Variants in NEURL2 observed in about 807,000 individuals in gnomAD.
NEURL2 encodes neuralized E3 ubiquitin protein ligase 2.
A neutral mutation model predicts 15.9 loss-of-function variants in NEURL2; 16 were observed. That is an observed-to-expected ratio of 1.01 (90% confidence interval 0.68 to 1.53). The LOEUF (loss-of-function observed/expected upper bound fraction) is 1.53, where lower values mean the gene tolerates loss of function less well. NEURL2 is among the 40% of genes most tolerant of loss of function. NEURL2 has a pLI of 0.00. For missense variants in NEURL2, 393 were observed against 407.8 expected (o/e 0.96, Z 0.31); for synonymous variants, 188 against 178.3 (o/e 1.05, Z -0.43).
rs146400005 is a variant in NEURL2 at position 45,888,789 on chromosome 20, T to C, written c.827A>G (p.Lys276Arg). The C allele has an allele frequency of 6.2e-7, 1 of 1,614,164 alleles. No homozygotes were observed. The highest frequency in any genetic ancestry group is 8.5e-7 in the Non-Finnish European group (1 of 1,180,028). ...RLAIDGLHLP[K>R]ELKDFCKYE ...ATACTTGCAGAAATCCTTAAGTTCT[T>C]TGGGCAGGTGGAGCCCATCAATGGC... The change falls in exon 2 of 2, where the codon AAA becomes AGA. Residue 276 changes from lysine to arginine, a missense_variant. By Grantham distance (26) the Lys-to-Arg change is conservative. Coordinates refer to ENST00000372518, the MANE Select transcript of NEURL2 (RefSeq NM_080749.4).
intron 1 of NEURL2, 161 bp from the exon 2 acceptor site, chr20:45,889,034 C>T (rs1986602066): frequency 1.4e-6 from 1 of 725,226 alleles, no homozygotes; most frequent in Non-Finnish European, 2.2e-6. Flanking sequence ...AGAAGCACCT[C>T]TTCCTGAGAG....
chr20:45,889,608 C>CCT (rs199785991), intron 1 of NEURL2, among the ~76,000 whole-genome samples: 8,469 of 117,988 alleles, frequency 0.072, 287 homozygotes, highest in South Asian at 0.15. Flanking sequence ...TCTCTCTCTT[C>CCT]CTCTCTCTCT....
In NEURL2 at chr20:45,890,853, C is replaced by T; in HGVS notation, c.139G>A (p.Glu47Lys). 1.3e-6 allele frequency: 2 copies of T among 1,570,284 alleles called. No individual in the cohort carries two copies. Among genetic ancestry groups the T allele is most frequent in the South Asian group, 1.2e-5 (1 of 86,190 alleles). ...AAGCACACGCCGTGGGCGAAGCTCT[C>T]CACGCGTGTGGCCCGCGTCCCAGAG... is the stretch of plus-strand genomic sequence containing the variant. ...DPSGTRATRV[E>K]SFAHGVCFSR... is the part of the protein sequence containing the mutation. Residue 47 changes from glutamate to lysine, a missense_variant, in exon 1 of 2, where the codon GAG becomes AAG. Transcript: ENST00000372518.
chr20:45,890,623 G>C lies in NEURL2; in HGVS notation c.369C>G (p.Pro123=). The change falls in exon 1 of 2, where the codon CCC becomes CCG. Residue 123 remains proline (P), a synonymous_variant. Coordinates refer to ENST00000372518, the MANE Select transcript of NEURL2 (RefSeq NM_080749.4). ...FAITRHHNRV[P]REGRPEAEAA... ...CCTCCGCCTCCGGGCGGCCCTCCCG[G>C]GGCACGCGGTTGTGGTGGCGCGTGA... is the stretch of plus-strand genomic sequence containing the variant. 1.2e-6 allele frequency: 2 copies of C among 1,613,044 alleles called. No homozygotes were observed. The highest frequency in any genetic ancestry group is 1.7e-6 in the Non-Finnish European group (2 of 1,179,648).
rs776524216 is a variant in NEURL2 at position 45,891,021 on chromosome 20, C to T, written c.-30G>A. On this transcript the variant is annotated 5_prime_UTR_variant, in exon 1 of 2. Transcript: ENST00000372518. This position sits in a 1 kb window ranked among gnomAD's most constrained non-coding sequence, Gnocchi z 4.6. The stretch of plus-strand genomic sequence containing the variant: ...CGGCCATAGGGCAGGCCAGCTGGCG[C>T]CGGGGGCTATTTTGGGCGGCGGGCA... 2 of 1,458,964 alleles carry T rather than the reference C, an allele frequency of 1.4e-6. No homozygotes were observed. Among genetic ancestry groups the T allele is most frequent in the Admixed American group, 2.8e-5 (1 of 36,154 alleles). 90.4% of individuals were successfully genotyped at this position (1,458,964 alleles called of 1,614,324 possible).
chr20:45,890,881 G>A lies in NEURL2; in HGVS notation c.111C>T (p.Asp37=). The A allele has an allele frequency of 1.3e-6, 2 of 1,569,320 alleles. No individual in the cohort carries two copies. The highest frequency in any genetic ancestry group is 1.7e-6 in the Non-Finnish European group (2 of 1,156,438). The part of the protein sequence containing the change: ...HRVHGANIRV[D]PSGTRATRVE... ...CGCGTGTGGCCCGCGTCCCAGAGGG[G>A]TCCACGCGGATGTTGGCACCGTGCA... The change falls in exon 1 of 2, where the codon GAC becomes GAT. Residue 37 remains aspartate (D), a synonymous_variant. Transcript: ENST00000372518.
Position 45,888,674 on chromosome 20 carries a change from G to T in NEURL2, c.*84C>A. 1 of 1,330,656 alleles carries T rather than the reference G, an allele frequency of 7.5e-7. No homozygotes were observed. The highest frequency in any genetic ancestry group is 1.1e-6 in the Non-Finnish European group (1 of 941,552). The allele number at this position is 1,330,656 out of a possible 1,614,324, so 82.4% of individuals were successfully genotyped here. On this transcript the variant is annotated 3_prime_UTR_variant, in exon 2 of 2. Coordinates refer to ENST00000372518, the MANE Select transcript of NEURL2 (RefSeq NM_080749.4). ...CGGCTGTTTATTTCTGGTCTTGGCTGGCAGCAATGTGGCCAACTTCGGACC... is the reference window on the plus strand; with the variant it reads ...CGGCTGTTTATTTCTGGTCTTGGCTTGCAGCAATGTGGCCAACTTCGGACC...
At position 45,888,683 on chromosome 20, in the gene NEURL2, G is replaced by T; in HGVS notation, c.*75C>A. The stretch of plus-strand genomic sequence containing the variant: ...ATTTCTGGTCTTGGCTGGCAGCAAT[G>T]TGGCCAACTTCGGACCAGCCAGCCA... On this transcript the variant is annotated 3_prime_UTR_variant, in exon 2 of 2. Coordinates refer to ENST00000372518, the MANE Select transcript of NEURL2 (RefSeq NM_080749.4). 6.9e-7 allele frequency: 1 copy of T among 1,456,390 alleles called. No individual in the cohort carries two copies. Among genetic ancestry groups the T allele is most frequent in the Non-Finnish European group, 9.5e-7 (1 of 1,050,494 alleles). The allele number at this position is 1,456,390 out of a possible 1,614,324, so 90.2% of individuals were successfully genotyped here.
chr20:45,891,119 G>T lies in NEURL2; in HGVS notation c.-128C>A, dbSNP rs1601136636. The T allele has an allele frequency of 9.0e-7, 1 of 1,105,212 alleles. No individual in the cohort carries two copies. The highest frequency in any genetic ancestry group is 1.6e-5 in the South Asian group (1 of 62,888). 68.5% of individuals were successfully genotyped at this position (1,105,212 alleles called of 1,614,324 possible). ...CCCTTCCCCGAGCCTCTGCCCGGGG[G>T]TCCTAGCGCCGCTTTCTCAGCCATC... On this transcript the variant is annotated 5_prime_UTR_variant, in exon 1 of 2. Transcript: ENST00000372518. This position sits in a 1 kb window ranked among gnomAD's most constrained non-coding sequence, Gnocchi z 4.6.
In NEURL2 at chr20:45,888,731, A is replaced by C. The variant is rs1299787351; in HGVS notation, c.*27T>G. 6.2e-7 allele frequency: 1 copy of C among 1,612,416 alleles called. No individual in the cohort carries two copies. Among genetic ancestry groups the C allele is most frequent in the African/African-American group, 1.3e-5 (1 of 74,908 alleles). ...CCACAGGTCTGGGGCTCCAGGATGC[A>C]GCTGTGCTCTGGTGCACTGTGGGTC... On this transcript the variant is annotated 3_prime_UTR_variant, in exon 2 of 2. Transcript: ENST00000372518.
intron 1 of NEURL2, 157 bp downstream of exon 1, chr20:45,890,093 T>C: frequency 1.3e-6 from 1 of 751,574 alleles, no homozygotes; most frequent in Non-Finnish European, 2.2e-6. Context: ...TGTAGAGGCT[T>C]GTGCAAGATC....
Position 45,891,083 on chromosome 20 carries a change from C to G in NEURL2, c.-92G>C. ...CGCAAGGCGACCTTGTAAGGCATTT[C>G]CCCCCTGACTCCCTTCCCCGAGCCT... On this transcript the variant is annotated 5_prime_UTR_variant, in exon 1 of 2. Coordinates refer to ENST00000372518, the MANE Select transcript of NEURL2 (RefSeq NM_080749.4). The surrounding 1 kb of genome is among the most constrained non-coding windows in gnomAD (Gnocchi z 4.6). 7.7e-7 allele frequency: 1 copy of G among 1,292,784 alleles called. No homozygotes were observed. Among genetic ancestry groups the G allele is most frequent in the East Asian group, 2.6e-5 (1 of 39,192 alleles). 80.1% of individuals were successfully genotyped at this position (1,292,784 alleles called of 1,614,324 possible).
In NEURL2 at chr20:45,890,242, A is replaced by G. The variant is rs1160453903; in HGVS notation, c.742+8T>C. ...AGCCAGGAGGGGTCGCTGCCCAGGG[A>G]TACCTACAGCCATACTCGAGCTGGA... On this transcript the variant is annotated splice_region_variant and intron_variant, in intron 1 of 1. Coordinates refer to ENST00000372518, the MANE Select transcript of NEURL2 (RefSeq NM_080749.4). 5.6e-6 allele frequency: 9 copies of G among 1,613,718 alleles called. No individual in the cohort carries two copies. The African/African-American group carries it at 9.3e-5, about 17-fold the overall frequency.
chr20:45,889,591 C>T (rs1227416227), intron 1 of NEURL2, among the ~76,000 whole-genome samples: 1 of 146,904 alleles, frequency 6.8e-6, no homozygotes, highest in African/African-American at 2.5e-5. Flanking sequence ...TGCTTGCTTG[C>T]TTGCTTTCTC....
intron 1 of NEURL2, among the ~76,000 whole-genome samples, chr20:45,889,587 C>T (rs1032830260): frequency 1.3e-5 from 2 of 148,622 alleles, no homozygotes; most frequent in Non-Finnish European, 3.0e-5. Context: ...AGCTTGCTTG[C>T]TTGCTTGCTT....
rs536781269 is a variant in NEURL2 at position 45,891,019 on chromosome 20, C to T, written c.-28G>A. 1.7e-5 allele frequency: 25 copies of T among 1,459,614 alleles called. No homozygotes were observed. In the South Asian group the frequency reaches 3.4e-4, roughly 20 times the overall value. 90.4% of individuals were successfully genotyped at this position (1,459,614 alleles called of 1,614,324 possible). ...CTCGGCCATAGGGCAGGCCAGCTGGCGCCGGGGGCTATTTTGGGCGGCGGG... is the reference window on the plus strand; with the variant it reads ...CTCGGCCATAGGGCAGGCCAGCTGGTGCCGGGGGCTATTTTGGGCGGCGGG... On this transcript the variant is annotated 5_prime_UTR_variant, in exon 1 of 2. Transcript: ENST00000372518. The surrounding 1 kb of genome is among the most constrained non-coding windows in gnomAD (Gnocchi z 4.6).
At chr20:45,888,914 G>A (rs1185634274) in intron 1 of NEURL2, 41 bp from the exon 2 acceptor site, 5 of 1,611,772 alleles carry the variant, frequency 3.1e-6, no homozygotes, top group Non-Finnish European at 4.2e-6. Flanking sequence ...GAACTGGAGG[G>A]TGGGTCTGAG....
At position 45,891,111 on chromosome 20, in the gene NEURL2, G is replaced by T. The variant is rs1467650374; in HGVS notation, c.-120C>A. On this transcript the variant is annotated 5_prime_UTR_variant, in exon 1 of 2. Coordinates refer to ENST00000372518, the MANE Select transcript of NEURL2 (RefSeq NM_080749.4). This position sits in a 1 kb window ranked among gnomAD's most constrained non-coding sequence, Gnocchi z 4.6. ...CCCTGACTCCCTTCCCCGAGCCTCT[G>T]CCCGGGGGTCCTAGCGCCGCTTTCT... 9.5e-6 allele frequency: 11 copies of T among 1,162,300 alleles called. No individual in the cohort carries two copies. Among genetic ancestry groups the T allele is most frequent in the Non-Finnish European group, 1.3e-5 (11 of 837,568 alleles). 72.0% of individuals were successfully genotyped at this position (1,162,300 alleles called of 1,614,324 possible). A position where few individuals can be genotyped will look rare whatever the true frequency, so the allele number is the denominator to read the frequency against.
chr20:45,889,014 T>C (rs1986600868), intron 1 of NEURL2, 141 bp from the exon 2 acceptor site: 2 of 898,710 alleles, frequency 2.2e-6, no homozygotes, highest in Non-Finnish European at 3.4e-6. Flanking sequence ...GCCTGCTTCA[T>C]GGGGCTGAGA....
Sources: allele counts gnomAD v4.1 joint callset (sites outside exome capture counted in the v4.1 genomes callset), GRCh38; gene constraint gnomAD v4.1.1; non-coding constraint Gnocchi (gnomAD v3.1); transcripts MANE v1.5; gene names NCBI Gene and HGNC (gene_info 2026-07-23, HGNC 2026-07-21).